FMNL2: variants seen among roughly 807,000 people sequenced by gnomAD.
FMNL2 encodes formin like 2.
A neutral mutation model predicts 130.2 loss-of-function variants in FMNL2; 51 were observed. The ratio of observed to expected loss-of-function variants is 0.39; its 90% confidence interval spans 0.31 to 0.49. The LOEUF is 0.49. Among genes scored for constraint, FMNL2 ranks in the 20% least tolerant of loss-of-function variants. FMNL2 has a pLI of 0.85. For missense variants in FMNL2, 977 were observed against 1,316.2 expected (o/e 0.74, Z 3.99); for synonymous variants, 465 against 467.1 (o/e 1.00, Z 0.06).
intron 1 of FMNL2, among the ~76,000 whole-genome samples, chr2:152,412,771 C>T (rs1481565880): frequency 1.3e-5 from 2 of 151,816 alleles, no homozygotes; most frequent in Non-Finnish European, 2.9e-5. Context: ...TGTGCTGCTG[C>T]ACTCCAACCT....
At chr2:152,460,171 T>C (rs886472537) in intron 1 of FMNL2, among the ~76,000 whole-genome samples, 3 of 152,210 alleles carry the variant, frequency 2.0e-5, no homozygotes, top group African/African-American at 7.2e-5. Flanking sequence ...GCATATTATG[T>C]TCATTTGGTG....
At chr2:152,550,936 G>A (rs777210566) in intron 4 of FMNL2, among the ~76,000 whole-genome samples, 6 of 151,934 alleles carry the variant, frequency 3.9e-5, no homozygotes, top group Non-Finnish European at 8.8e-5. Flanking sequence ...TCAGGAGTTC[G>A]ACACCAGCCT....
intron 1 of FMNL2, among the ~76,000 whole-genome samples, chr2:152,485,320 G>A (rs1180447945): frequency 2.6e-5 from 4 of 152,106 alleles, no homozygotes; most frequent in Non-Finnish European, 4.4e-5. Context: ...ATGAAACCCC[G>A]TCTCTACTAA....
At chr2:152,357,675 T>C (rs1442016025) in intron 1 of FMNL2, among the ~76,000 whole-genome samples, 1 of 148,428 alleles carries the variant, frequency 6.7e-6, no homozygotes, top group Non-Finnish European at 1.5e-5. Context: ...CAGTTTAATG[T>C]ATAACTATAT....
At position 152,640,019 on chromosome 2, in the gene FMNL2, T is replaced by C; in HGVS notation, c.3008T>C (p.Leu1003Pro). ...GAACAAGCTCTCATGGAAAAACTCC[T>C]AGAGCAAGAAGCTCTGATGGAGCAG... Reference protein sequence around the residue: ...KQEQALMEKLLEQEALMEQQD... With the variant: ...KQEQALMEKLPEQEALMEQQD... Residue 1003 changes from leucine (L) to proline (P), a missense_variant, in exon 24 of 26, where the codon CTA (leucine) becomes CCA (proline). Coordinates refer to ENST00000288670, the MANE Select transcript of FMNL2 (RefSeq NM_052905.4). The C allele has an allele frequency of 6.4e-7, 1 of 1,557,052 alleles. No homozygotes were observed. Among genetic ancestry groups the C allele is most frequent in the African/African-American group, 1.4e-5 (1 of 73,288 alleles).
In FMNL2 at chr2:152,637,615, A is replaced by G; in HGVS notation, c.2887A>G (p.Lys963Glu). The change falls in exon 23 of 26, where the codon AAG becomes GAG. Residue 963 changes from lysine (K) to glutamate (E), a missense_variant. Transcript: ENST00000288670. ...TGTGAAGTATTTTGGAGAAAACCCC[A>G]AGACAACACCACCCTCTGTCTTCTT... ...DVVKYFGENP[K>E]TTPPSVFFPV... 6.2e-7 allele frequency: 1 copy of G among 1,613,978 alleles called. No individual in the cohort carries two copies. Among genetic ancestry groups the G allele is most frequent in the Non-Finnish European group, 8.5e-7 (1 of 1,179,868 alleles).
intron 1 of FMNL2, among the ~76,000 whole-genome samples, chr2:152,401,898 CTTTTTTTT>C (rs70974858): frequency 7.6e-5 from 6 of 78,554 alleles, no homozygotes; most frequent in African/African-American, 2.1e-4. Flanking sequence ...TGTGTTTAAT[CTTTTTTTT>C]TTTTTTTTTT....
intron 12 of FMNL2, among the ~76,000 whole-genome samples, chr2:152,616,329 T>G (rs1698946338): frequency 7.3e-6 from 1 of 136,648 alleles, no homozygotes; most frequent in Non-Finnish European, 1.6e-5. Flanking sequence ...TTTTGTGGGT[T>G]TTTTTTTTTT....
At chr2:152,473,416 A>G (rs540647722) in intron 1 of FMNL2, among the ~76,000 whole-genome samples, 10 of 152,286 alleles carry the variant, frequency 6.6e-5, no homozygotes, top group African/African-American at 2.4e-4. Context: ...GGGAGAGACA[A>G]ACAAAAAGAG....
chr2:152,542,558 A>G (rs1036973773), intron 2 of FMNL2, among the ~76,000 whole-genome samples, 181 bp from the exon 3 acceptor site: 8 of 152,132 alleles, frequency 5.3e-5, no homozygotes, highest in Non-Finnish European at 4.4e-5. Context: ...TTTTCCTCCT[A>G]TGCAAAGAGG....
intron 1 of FMNL2, among the ~76,000 whole-genome samples, chr2:152,361,187 A>T (rs1458159380): frequency 6.6e-6 from 1 of 152,176 alleles, no homozygotes; most frequent in East Asian, 1.9e-4. Context: ...ATTCTTTGAT[A>T]ACTTCTAATG....
Position 152,566,101 on chromosome 2 carries a change from T to C in FMNL2, c.596+5066T>C, listed in dbSNP as rs55985126. Among the ~76,000 whole-genome samples, 865 of 152,314 alleles carry C rather than the reference T, an allele frequency of 5.7e-3. 3 individuals carry two copies. Among genetic ancestry groups the C allele is most frequent in the African/African-American group, 0.017 (690 of 41,562 alleles). On this transcript the variant is annotated intron_variant, in intron 6 of 25. Coordinates refer to ENST00000288670, the MANE Select transcript of FMNL2 (RefSeq NM_052905.4). ...AGCCAAGATAATTACTTTAATGGAA[T>C]GGCATTTCATGAATAGTCCTTATCT...
intron 2 of FMNL2, among the ~76,000 whole-genome samples, chr2:152,538,588 A>G (rs1449387521): frequency 1.3e-5 from 2 of 152,170 alleles, no homozygotes; most frequent in African/African-American, 2.4e-5. Flanking sequence ...CTGTATTTTT[A>G]TGAGTTCTTA....
chr2:152,557,187 A>C (rs1695264756), intron 4 of FMNL2, among the ~76,000 whole-genome samples: 1 of 152,180 alleles, frequency 6.6e-6, no homozygotes, highest in Non-Finnish European at 1.5e-5. Flanking sequence ...ATAAAAAATA[A>C]GTATCTAGTA....
chr2:152,610,310 A>G (rs1214814887), intron 10 of FMNL2, among the ~76,000 whole-genome samples: 1 of 152,242 alleles, frequency 6.6e-6, no homozygotes, highest in Non-Finnish European at 1.5e-5. Flanking sequence ...TCACTGAGAT[A>G]TAATTAACAT....
chr2:152,603,100 C>G (rs1698173484), intron 9 of FMNL2, among the ~76,000 whole-genome samples: 1 of 152,188 alleles, frequency 6.6e-6, no homozygotes, highest in Admixed American at 6.5e-5. Flanking sequence ...GTGAATCTGG[C>G]CTGCATGCTT....
Position 152,560,918 on chromosome 2 carries a change from G to A in FMNL2, c.479G>A (p.Ser160Asn). The A allele has an allele frequency of 7.2e-7, 1 of 1,389,816 alleles. No individual in the cohort carries two copies. The highest frequency in any genetic ancestry group is 9.4e-7 in the Non-Finnish European group (1 of 1,066,644). The allele number at this position is 1,389,816 out of a possible 1,614,324, so 86.1% of individuals were successfully genotyped here. A position where few individuals can be genotyped will look rare whatever the true frequency, so the allele number is the denominator to read the frequency against. Reference sequence around the variant, plus strand: ...GAAAGTGTGGAGAGTACTGTGGAGAGCTCGGTGGACAAATCAAAGCCCTGG... The same window carrying A: ...GAAAGTGTGGAGAGTACTGTGGAGAACTCGGTGGACAAATCAAAGCCCTGG... ...DFESVESTVE[S>N]SVDKSKPWSR... The change falls in exon 6 of 26, where the codon AGC (serine) becomes AAC (asparagine). Residue 160 changes from serine to asparagine, a missense_variant. Transcript: ENST00000288670.
At chr2:152,436,623 T>C (rs1376850486) in intron 1 of FMNL2, among the ~76,000 whole-genome samples, 1 of 152,194 alleles carries the variant, frequency 6.6e-6, no homozygotes, top group Admixed American at 6.5e-5. Context: ...CCTCTGAATC[T>C]AGCTGGCCTA....
rs749362639 is a variant in FMNL2 at position 152,626,521 on chromosome 2, T to C, written c.1963-4T>C. The C allele has an allele frequency of 2.4e-5, 39 of 1,596,266 alleles. No homozygotes were observed. In the South Asian group the frequency reaches 4.3e-4, roughly 18 times the overall value. On this transcript the variant is annotated splice_region_variant and splice_polypyrimidine_tract_variant and intron_variant, in intron 16 of 25. Transcript: ENST00000288670. ...TTTTCCATGGTCATTCCTCTCTATCTTAGGATTTAAATGTGGATGAATTTG... is the reference window on the plus strand; with the variant it reads ...TTTTCCATGGTCATTCCTCTCTATCCTAGGATTTAAATGTGGATGAATTTG...
Sources: allele counts gnomAD v4.1 joint callset (sites outside exome capture counted in the v4.1 genomes callset), GRCh38; gene constraint gnomAD v4.1.1; transcripts MANE v1.5; gene names NCBI Gene and HGNC (gene_info 2026-07-23, HGNC 2026-07-21).